DAB1: variants seen among roughly 807,000 people sequenced by gnomAD.
DAB1 encodes the protein DAB adaptor protein 1, also known as disabled homolog 1.
A neutral mutation model predicts 64.6 loss-of-function variants in DAB1; 15 were observed. The observed-to-expected ratio is 0.23, with a 90% confidence interval of 0.16 to 0.36. The LOEUF (loss-of-function observed/expected upper bound fraction) is 0.36. Among genes scored for constraint, DAB1 ranks in the 10% least tolerant of loss-of-function variants. The pLI is 1.00. For synonymous variants in DAB1, 235 were observed against 251.9 expected (o/e 0.93, Z 0.64); for missense variants, 596 against 706.7 (o/e 0.84, Z 1.78).
intron 4 of DAB1, among the ~76,000 whole-genome samples, chr1:57,117,277 A>G (rs1193698703): frequency 1.3e-5 from 2 of 152,218 alleles, no homozygotes; most frequent in African/African-American, 4.8e-5. Flanking sequence ...CTCTGTAATA[A>G]ACATACTGAC....
intron 3 of DAB1, among the ~76,000 whole-genome samples, chr1:58,367,823 T>C (rs1043163678): frequency 1.3e-5 from 2 of 152,174 alleles, no homozygotes; most frequent in South Asian, 4.2e-4. Context: ...AATGCTACTA[T>C]ATACTCACTA....
intron 1 of DAB1, among the ~76,000 whole-genome samples, chr1:57,375,737 T>G (rs1029555287): frequency 1.3e-4 from 20 of 152,316 alleles, no homozygotes; most frequent in African/African-American, 4.6e-4. Context: ...AGTAGCCTCA[T>G]GCATGTGTGT....
chr1:58,375,337 T>C (rs1644313208), intron 3 of DAB1, among the ~76,000 whole-genome samples: 1 of 140,428 alleles, frequency 7.1e-6, no homozygotes, highest in Non-Finnish European at 1.5e-5. Context: ...TAGCTCTTAT[T>C]ATTTTGAAAT....
chr1:57,729,946 C>A (rs1355074099), intron 6 of DAB1, among the ~76,000 whole-genome samples: 1 of 152,194 alleles, frequency 6.6e-6, no homozygotes, highest in African/African-American at 2.4e-5. Flanking sequence ...ATTATTATCC[C>A]TGCTTTTCAA....
chr1:57,280,559 G>C (rs947546653), intron 2 of DAB1, among the ~76,000 whole-genome samples: 1 of 152,206 alleles, frequency 6.6e-6, no homozygotes, highest in Non-Finnish European at 1.5e-5. Context: ...CTAATGTGAA[G>C]AGCTTTGTTC....
At chr1:57,553,442 G>GAAAGAAAGAGAAAGAAAGAA (rs59263518) in intron 7 of DAB1, among the ~76,000 whole-genome samples, 1 of 68,154 alleles carries the variant, frequency 1.5e-5, no homozygotes, top group East Asian at 4.6e-4. Flanking sequence ...AAGAAAGAAA[G>GAAAGAAAGAGAAAGAAAGAA]AGAAAGAAAG....
chr1:58,376,615 T>G lies in DAB1; in HGVS notation n.258-33212A>C, dbSNP rs1288335022. Among the ~76,000 whole-genome samples the G allele has an allele frequency of 1.5e-3, 214 of 142,242 alleles. 1 individual carries two copies. Among genetic ancestry groups the G allele is most frequent in the African/African-American group, 3.0e-3 (115 of 37,872 alleles). 93.3% of individuals were successfully genotyped at this position (142,242 alleles called of 152,430 possible). A position where few individuals can be genotyped will look rare whatever the true frequency, so the allele number is the denominator to read the frequency against. On this transcript the variant is annotated intron_variant and non_coding_transcript_variant, in intron 3 of 20. Coordinates refer to the DAB1 transcript ENST00000485760. ...TACTTCCAACTATGTGGTCAATTTT[T>G]GAATAGGTGTGGTGTGGTGCTGAAA...
chr1:57,180,737 T>A (rs150192449), intron 2 of DAB1, among the ~76,000 whole-genome samples: 1 of 152,184 alleles, frequency 6.6e-6, no homozygotes, highest in Non-Finnish European at 1.5e-5. Flanking sequence ...ATGACCCAGA[T>A]TTACTCCCAT....
rs1019729368 is a variant in DAB1 at position 58,105,214 on chromosome 1, TAGC to T, written n.387+45294_387+45296del. Among the ~76,000 whole-genome samples, 10 of 152,366 alleles carry T rather than the reference TAGC, an allele frequency of 6.6e-5. No homozygotes were observed. In the South Asian group the frequency reaches 1.0e-3, roughly 16 times the overall value. The stretch of plus-strand genomic sequence containing the variant: ...CAGAACAGTTCCTCGTTTTGGTGGT[TAGC>T]AACAGTCATTTCTAAATGCCTTCTG... On this transcript the variant is annotated intron_variant and non_coding_transcript_variant, in intron 5 of 20. Coordinates refer to the DAB1 transcript ENST00000485760.
chr1:58,488,714 T>C (rs1267203849), intron 3 of DAB1, among the ~76,000 whole-genome samples: 3 of 152,160 alleles, frequency 2.0e-5, no homozygotes, highest in South Asian at 2.1e-4. Flanking sequence ...CCTCCAAAAG[T>C]GCTGGGATTA....
chr1:57,261,602 G>T (rs1670187356), intron 2 of DAB1, among the ~76,000 whole-genome samples: 1 of 152,160 alleles, frequency 6.6e-6, no homozygotes, highest in South Asian at 2.1e-4. Flanking sequence ...TCTCCATAGA[G>T]TGTGACAGAG....
chr1:57,826,986 G>C (rs982311673), intron 1 of DAB1, among the ~76,000 whole-genome samples: 4 of 152,222 alleles, frequency 2.6e-5, no homozygotes, highest in African/African-American at 9.6e-5. Flanking sequence ...TTGGTAATTT[G>C]ATGGTTTCTA....
At chr1:57,231,735 CT>C (rs1667695518) in intron 2 of DAB1, among the ~76,000 whole-genome samples, 1 of 152,158 alleles carries the variant, frequency 6.6e-6, no homozygotes, top group African/African-American at 2.4e-5. Flanking sequence ...AGTTCACTTT[CT>C]TTTAATTCTA....
At chr1:57,487,785 T>C (rs1297389556) in intron 7 of DAB1, among the ~76,000 whole-genome samples, 2 of 152,176 alleles carry the variant, frequency 1.3e-5, no homozygotes, top group Non-Finnish European at 2.9e-5. Flanking sequence ...AAAGATGCAT[T>C]TCTCAGAACA....
chr1:58,517,716 A>C (rs1646179219), intron 2 of DAB1, among the ~76,000 whole-genome samples: 1 of 152,174 alleles, frequency 6.6e-6, no homozygotes, highest in Non-Finnish European at 1.5e-5. Flanking sequence ...TCAATTAATA[A>C]ATGAAAATCA....
intron 2 of DAB1, among the ~76,000 whole-genome samples, chr1:57,239,809 TC>T (rs763914382): frequency 6.6e-6 from 1 of 152,224 alleles, no homozygotes; most frequent in African/African-American, 2.4e-5. Context: ...TTTCTGACTC[TC>T]AAAGACTTTT....
intron 7 of DAB1, among the ~76,000 whole-genome samples, chr1:57,431,143 C>CAAAAA (rs77701798): frequency 6.8e-4 from 66 of 96,420 alleles, no homozygotes; most frequent in South Asian, 2.4e-3. Flanking sequence ...AGGCCAAAAA[C>CAAAAA]AAAAAAAAAA....
intron 5 of DAB1, among the ~76,000 whole-genome samples, chr1:58,004,627 T>G (rs999631056): frequency 6.6e-6 from 1 of 152,214 alleles, no homozygotes; most frequent in Non-Finnish European, 1.5e-5. Flanking sequence ...CATCTGTGAA[T>G]GCATAGAATG....
chr1:57,981,864 T>C (rs991753897), intron 5 of DAB1, among the ~76,000 whole-genome samples: 4 of 152,212 alleles, frequency 2.6e-5, no homozygotes, highest in African/African-American at 9.6e-5. Flanking sequence ...GTTCAATAAA[T>C]ATGAGTTTCC....
Sources: allele counts gnomAD v4.1 joint callset (sites outside exome capture counted in the v4.1 genomes callset), GRCh38; gene constraint gnomAD v4.1.1; transcripts MANE v1.5; gene names NCBI Gene and HGNC (gene_info 2026-07-23, HGNC 2026-07-21).